Variants in GIPC2 observed in about 807,000 individuals in gnomAD.
GIPC2 encodes the protein GIPC PDZ domain containing family member 2.
Under a neutral mutation model 30.6 loss-of-function variants are expected in GIPC2, and 30 were observed. The ratio of observed to expected loss-of-function variants is 0.98; its 90% CI spans 0.73 to 1.33. The LOEUF is 1.33. Ranked by LOEUF, GIPC2 falls within the 40% of genes most tolerant of loss-of-function variation. The pLI, the probability that GIPC2 is intolerant of heterozygous loss-of-function variation, is 0.00. For synonymous variants in GIPC2, 167 were observed against 150.0 expected (o/e 1.11, Z -0.83); for missense variants, 414 against 390.3 (o/e 1.06, Z -0.51).
intron 2 of GIPC2, chr1:78,091,921 A>G (rs1662048157): frequency 2.4e-6 from 2 of 843,540 alleles, no homozygotes; most frequent in Non-Finnish European, 4.2e-6. Context: ...TTTTCTATTA[A>G]CAACACTCTG....
intron 3 of GIPC2, among the ~76,000 whole-genome samples, chr1:78,113,419 G>C (rs1470087064): frequency 6.6e-6 from 1 of 152,074 alleles, no homozygotes; most frequent in African/African-American, 2.4e-5. Flanking sequence ...ACAAGGTCTT[G>C]TTCTGTCACC....
chr1:78,045,505 A>C (rs1215850000), upstream of GIPC2: 2 of 947,458 alleles, frequency 2.1e-6, no homozygotes, highest in Non-Finnish European at 2.5e-6. Flanking sequence ...GCAAAAGGGA[A>C]ACTCAGAGGT....
intron 1 of GIPC2, among the ~76,000 whole-genome samples, chr1:78,074,837 G>A (rs1344036726): frequency 6.6e-6 from 1 of 152,182 alleles, no homozygotes; most frequent in Non-Finnish European, 1.5e-5. Flanking sequence ...AAATTAGGAT[G>A]CCATAATACC....
upstream of GIPC2, chr1:78,045,812 G>A: frequency 8.3e-7 from 1 of 1,204,706 alleles, no homozygotes; most frequent in Non-Finnish European, 1.0e-6. Flanking sequence ...CACGTAAATA[G>A]AGCCATTTTT....
chr1:78,095,008 T>C lies in GIPC2; in HGVS notation c.483T>C (p.His161=). Residue 161 remains histidine, a synonymous_variant, in exon 3 of 6, where the codon CAT becomes CAC. Transcript: ENST00000370759. ...TTAAAACAATCTGTGTTGGGGATCA[T>C]ATTGAATCCATAAATGGAGAAAATA... ...DSVKTICVGD[H]IESINGENIV... 1.2e-6 allele frequency: 2 copies of C among 1,605,784 alleles called. No homozygotes were observed. Among genetic ancestry groups the C allele is most frequent in the Non-Finnish European group, 1.7e-6 (2 of 1,172,418 alleles).
rs549416573 is a variant in GIPC2 at position 78,129,634 on chromosome 1, C to T, written c.796+3672C>T. ...TTTGATTGTAAAGTTAAGTTGTGAA[C>T]GATGACTTTTCTACCAGCCAGTGTC... is the stretch of plus-strand genomic sequence containing the variant. On this transcript the variant is annotated intron_variant, in intron 5 of 5. Coordinates refer to ENST00000370759, the MANE Select transcript of GIPC2 (RefSeq NM_017655.6). Among the ~76,000 whole-genome samples the T allele has an allele frequency of 8.5e-5, 13 of 152,184 alleles. No homozygotes were observed. The East Asian group carries it at 1.5e-3, about 18-fold the overall frequency.
chr1:78,045,894 CG>C (rs926597429), upstream of GIPC2: 25 of 1,327,214 alleles, frequency 1.9e-5, no homozygotes, highest in Non-Finnish European at 2.4e-5. Context: ...AGATCCATCC[CG>C]GGGGAGGCTG....
At chr1:78,074,155 T>TA (rs1268768650) in intron 1 of GIPC2, among the ~76,000 whole-genome samples, 1 of 152,214 alleles carries the variant, frequency 6.6e-6, no homozygotes, top group African/African-American at 2.4e-5. Context: ...AGCATAAGTA[T>TA]AAATATCATT....
At chr1:78,054,488 G>A (rs1453584927) in intron 1 of GIPC2, among the ~76,000 whole-genome samples, 1 of 152,194 alleles carries the variant, frequency 6.6e-6, no homozygotes, top group Non-Finnish European at 1.5e-5. Context: ...TTTTTCGGAA[G>A]AAGCAAGGAT....
At chr1:78,073,771 C>CT (rs1336024557) in intron 1 of GIPC2, among the ~76,000 whole-genome samples, 1 of 152,096 alleles carries the variant, frequency 6.6e-6, no homozygotes, top group Non-Finnish European at 1.5e-5. Flanking sequence ...TTTTGAAACA[C>CT]TAATGACAAA....
intron 2 of GIPC2, chr1:78,091,862 T>C: frequency 1.3e-6 from 1 of 780,102 alleles, no homozygotes; most frequent in South Asian, 1.3e-5. Context: ...TGTAAGAATC[T>C]TGTGGAAGAA....
At chr1:78,098,691 G>C (rs968351617) in intron 3 of GIPC2, among the ~76,000 whole-genome samples, 2 of 151,558 alleles carry the variant, frequency 1.3e-5, no homozygotes, top group Non-Finnish European at 2.9e-5. Flanking sequence ...GAATGCAACT[G>C]GATTTGTAGA....
intron 5 of GIPC2, among the ~76,000 whole-genome samples, chr1:78,128,912 G>A (rs1662836442): frequency 6.6e-6 from 1 of 152,042 alleles, no homozygotes; most frequent in Non-Finnish European, 1.5e-5. Context: ...GTCTGAGGCA[G>A]GAGGATCGCT....
At chr1:78,089,342 T>G (rs746000841) in intron 2 of GIPC2, among the ~76,000 whole-genome samples, 2 of 152,236 alleles carry the variant, frequency 1.3e-5, no homozygotes, top group Non-Finnish European at 2.9e-5. Flanking sequence ...ACCTACTTTA[T>G]AGTATTATTT....
intron 3 of GIPC2, among the ~76,000 whole-genome samples, chr1:78,111,666 C>T (rs775425769): frequency 2.6e-5 from 4 of 152,196 alleles, no homozygotes; most frequent in Non-Finnish European, 5.9e-5. Flanking sequence ...TTGAAACACA[C>T]CAGCAGAAGC....
At chr1:78,108,537 T>C (rs1571514481) in intron 3 of GIPC2, among the ~76,000 whole-genome samples, 1 of 152,350 alleles carries the variant, frequency 6.6e-6, no homozygotes, top group South Asian at 2.1e-4. Flanking sequence ...GACACCTTCA[T>C]GCAGGTGGCA....
At chr1:78,060,444 C>T (rs556228414) in intron 1 of GIPC2, among the ~76,000 whole-genome samples, 40 of 152,190 alleles carry the variant, frequency 2.6e-4, no homozygotes, top group Middle Eastern at 3.4e-3. Flanking sequence ...TGCAGCCGAC[C>T]GACCCTCTTT....
At position 78,135,987 on chromosome 1, in the gene GIPC2, T is replaced by G. The variant is rs1302602220; in HGVS notation, c.*244T>G. 1 of 318,940 alleles carries G rather than the reference T, an allele frequency of 3.1e-6. No homozygotes were observed. Among genetic ancestry groups the G allele is most frequent in the African/African-American group, 2.2e-5 (1 of 46,242 alleles). 19.8% of individuals were successfully genotyped at this position (318,940 alleles called of 1,614,324 possible). On this transcript the variant is annotated 3_prime_UTR_variant, in exon 6 of 6. Transcript: ENST00000370759. The stretch of plus-strand genomic sequence containing the variant: ...TCAATTGTAATATTCATTCAAAAGG[T>G]TTTTAAAAGTAAGTTTTAAGGAGTA...
chr1:78,068,769 A>G (rs1389020418), intron 1 of GIPC2, among the ~76,000 whole-genome samples: 1 of 152,204 alleles, frequency 6.6e-6, no homozygotes, highest in African/African-American at 2.4e-5. Context: ...TTTGCATTAT[A>G]GGCATTTTTT....
Sources: allele counts gnomAD v4.1 joint callset (sites outside exome capture counted in the v4.1 genomes callset), GRCh38; gene constraint gnomAD v4.1.1; transcripts MANE v1.5; gene names NCBI Gene and HGNC (gene_info 2026-07-23, HGNC 2026-07-21).